FASTKD5: variants seen among roughly 807,000 people sequenced by gnomAD.
FASTKD5 encodes the protein non-canonical pre-mRNAs endonuclease FASTKD5, mitochondrial.
Under a neutral mutation model 44.0 loss-of-function variants are expected in FASTKD5, and 30 were observed. The observed-to-expected ratio is 0.68, with a 90% CI of 0.51 to 0.93. The LOEUF is 0.93. Among genes scored for constraint, FASTKD5 ranks in the 40% least tolerant of loss-of-function variants. The pLI, the probability that FASTKD5 is intolerant of heterozygous loss-of-function variation, is 0.00. For synonymous variants in FASTKD5, 335 were observed against 342.2 expected (o/e 0.98, Z 0.23); for missense variants, 868 against 908.2 (o/e 0.96, Z 0.57).
chr20:3,150,077 A>G (rs1241726521), intron 1 of FASTKD5, among the ~76,000 whole-genome samples: 1 of 152,038 alleles, frequency 6.6e-6, no homozygotes, highest in African/African-American at 2.4e-5. Context: ...CTGTTCTTAT[A>G]GCGCAAAACT....
rs188234463 is a variant in FASTKD5 at position 3,153,485 on chromosome 20, C to G, written c.-190-4225G>C. On this transcript the variant is annotated intron_variant, in intron 1 of 1. Transcript: ENST00000380266. ...GAGACCACAAGATTAAGAAACCTGC[C>G]AAAAGTTACACAGCCAAGGGATTGA... 2.6e-5 allele frequency among the ~76,000 whole-genome samples: 4 copies of G among 152,304 alleles called. No homozygotes were observed. The East Asian group carries it at 7.7e-4, about 29-fold the overall frequency.
intron 1 of FASTKD5, among the ~76,000 whole-genome samples, chr20:3,153,691 T>C (rs564753420): frequency 6.6e-6 from 1 of 152,342 alleles, no homozygotes; most frequent in East Asian, 1.9e-4. Context: ...CTAGGTAAGC[T>C]TGAAAGTCCC....
intron 1 of FASTKD5, among the ~76,000 whole-genome samples, chr20:3,153,443 A>G (rs1053668095): frequency 1.3e-5 from 2 of 152,226 alleles, no homozygotes; most frequent in Admixed American, 6.5e-5. Context: ...TATAATCCCC[A>G]TATTACTGAT....
rs1600413632 is a variant in FASTKD5 at position 3,149,143 on chromosome 20, T to C, written c.-73A>G. 3 of 1,503,134 alleles carry C rather than the reference T, an allele frequency of 2.0e-6. No individual in the cohort carries two copies. The highest frequency in any genetic ancestry group is 4.5e-5 in the East Asian group (2 of 44,072). 93.1% of individuals were successfully genotyped at this position (1,503,134 alleles called of 1,614,324 possible). ...AGATTTGACCAGGCAATTTCTTGTT[T>C]ATATGGTGCTTGATTAGAGCTGGAC... On this transcript the variant is annotated 5_prime_UTR_variant, in exon 2 of 2. It adds an upstream start codon to the 5' untranslated region. Transcript: ENST00000380266. The surrounding 1 kb of genome is among the most constrained non-coding windows in gnomAD (Gnocchi z 4.1).
chr20:3,154,783 A>G (rs1162117161), intron 1 of FASTKD5, among the ~76,000 whole-genome samples: 2 of 152,196 alleles, frequency 1.3e-5, no homozygotes, highest in African/African-American at 4.8e-5. Context: ...TCTTGATATT[A>G]GCCTAACCAA....
chr20:3,148,417 G>C lies in FASTKD5; in HGVS notation c.654C>G (p.Ile218Met), dbSNP rs2148620586. 1 of 1,614,108 alleles carries C rather than the reference G, an allele frequency of 6.2e-7. No homozygotes were observed. The highest frequency in any genetic ancestry group is 2.2e-5 in the East Asian group (1 of 44,892). ...NVLKAFVILG[I>M]PHSHSMLDVY... The stretch of plus-strand genomic sequence containing the variant: ...CATCTAGCATTGAATGGGAGTGAGG[G>C]ATTCCTAAAATGACAAAAGCTTTCA... The change falls in exon 2 of 2, where the codon ATC becomes ATG. Residue 218 changes from isoleucine (I) to methionine (M), a missense_variant. Ile to Met is a conservative substitution (Grantham distance 10). Transcript: ENST00000380266.
In FASTKD5 at chr20:3,147,248, G is replaced by A. The variant is rs746438196; in HGVS notation, c.1823C>T (p.Thr608Met). 1.1e-5 allele frequency: 18 copies of A among 1,614,208 alleles called. No individual in the cohort carries two copies. The highest frequency in any genetic ancestry group is 3.3e-5 in the South Asian group (3 of 91,086). ...LKPLPFNREA[T>M]PAENVAKLRL... ...TAATTTGGCTACATTTTCAGCCGGC[G>A]TGGCTTCTCTATTAAATGGTAATGG... is the stretch of plus-strand genomic sequence containing the variant. Residue 608 changes from threonine (T) to methionine (M), a missense_variant, in exon 2 of 2, where the codon ACG becomes ATG. Coordinates refer to ENST00000380266, the MANE Select transcript of FASTKD5 (RefSeq NM_021826.5).
chr20:3,152,397 G>A (rs2066639008), intron 1 of FASTKD5, among the ~76,000 whole-genome samples: 1 of 152,040 alleles, frequency 6.6e-6, no homozygotes, highest in South Asian at 2.1e-4. Context: ...AGCTACTCGG[G>A]AGGCTGAGGC....
At chr20:3,159,296 G>C (rs1397844993) in intron 1 of FASTKD5, among the ~76,000 whole-genome samples, 1 of 152,184 alleles carries the variant, frequency 6.6e-6, no homozygotes, top group African/African-American at 2.4e-5. Flanking sequence ...GTAGGGCCTT[G>C]CTACTCAGTG....
intron 1 of FASTKD5, among the ~76,000 whole-genome samples, chr20:3,154,451 G>C (rs2066664296): frequency 6.6e-6 from 1 of 152,238 alleles, no homozygotes; most frequent in African/African-American, 2.4e-5. Flanking sequence ...GGAGGCCAAA[G>C]TGAGAAGATC....
In FASTKD5 at chr20:3,146,732, G is replaced by A. The variant is rs749139656; in HGVS notation, c.*44C>T. On this transcript the variant is annotated 3_prime_UTR_variant, in exon 2 of 2. Transcript: ENST00000380266. The stretch of plus-strand genomic sequence containing the variant: ...TAATCATTTTGCAACACCTGGTACA[G>A]TATACACCTATAGCTTTGCCATAGA... 24 of 1,583,676 alleles carry A rather than the reference G, an allele frequency of 1.5e-5. No individual in the cohort carries two copies. The highest frequency in any genetic ancestry group is 6.9e-6 in the Non-Finnish European group (8 of 1,165,528).
intron 1 of FASTKD5, among the ~76,000 whole-genome samples, chr20:3,158,125 GT>G (rs941465393): frequency 6.6e-6 from 1 of 151,528 alleles, no homozygotes; most frequent in Non-Finnish European, 1.5e-5. Context: ...TTTTTTGTGT[GT>G]TTTTTTTGTT....
At chr20:3,150,845 A>G (rs1301153808) in intron 1 of FASTKD5, 3 of 152,144 alleles carry the variant, frequency 2.0e-5, no homozygotes, top group Non-Finnish European at 4.4e-5. Context: ...TCTCACATTA[A>G]ATTTTTATAC....
rs1207646422 is a variant in FASTKD5, at chr20:3,148,574, T to C, written c.497A>G (p.Tyr166Cys). The change falls in exon 2 of 2, where the codon TAT becomes TGT. Residue 166 changes from tyrosine to cysteine, a missense_variant. By Grantham distance (194) the Tyr-to-Cys change is radical (BLOSUM62 -2). Coordinates refer to ENST00000380266, the MANE Select transcript of FASTKD5 (RefSeq NM_021826.5). ...AGGCAAAGAGCTCAGCTTACACAAA[T>C]AATCAACAATGACTTGAGCCTGGAG... is the stretch of plus-strand genomic sequence containing the variant. ...NNLQAQVIVD[Y>C]LCKLSSLPAE... The C allele has an allele frequency of 6.2e-7, 1 of 1,614,156 alleles. No homozygotes were observed. Among genetic ancestry groups the C allele is most frequent in the Non-Finnish European group, 8.5e-7 (1 of 1,180,046 alleles).
Position 3,148,770 on chromosome 20 carries a change from C to T in FASTKD5, c.301G>A (p.Val101Ile), listed in dbSNP as rs141315308. 3.8e-4 allele frequency: 616 copies of T among 1,614,132 alleles called. No homozygotes were observed. Among genetic ancestry groups the T allele is most frequent in the Non-Finnish European group, 4.9e-4 (582 of 1,180,056 alleles). ...LQLGSPRATG[V>I]DEEDVEVFDS... ...AACACTTCTACGTCCTCTTCATCAA[C>T]TCCTGTGGCCCTGGGTGAGCCCAGC... The change falls in exon 2 of 2, where the codon GTT becomes ATT. Residue 101 changes from valine to isoleucine, a missense_variant. Coordinates refer to ENST00000380266, the MANE Select transcript of FASTKD5 (RefSeq NM_021826.5).
chr20:3,157,931 TGTTGTTCAGTCTGGAGGGCA>T lies in FASTKD5; in HGVS notation c.-191+1815_-191+1834del, dbSNP rs564991895. Among the ~76,000 whole-genome samples, 583 of 152,180 alleles carry T rather than the reference TGTTGTTCAGTCTGGAGGGCA, an allele frequency of 3.8e-3. 4 individuals carry two copies. The highest frequency in any genetic ancestry group is 0.024 in the Middle Eastern group (7 of 294). On this transcript the variant is annotated intron_variant, in intron 1 of 1. Coordinates refer to ENST00000380266, the MANE Select transcript of FASTKD5 (RefSeq NM_021826.5). ...TTTTTTTTCAGACAGGGTCTCGCTCTGTTGTTCAGTCTGGAGGGCAGTGGTGCAATCTCCGCTCACTGCAT... is the reference window on the plus strand; with the variant it reads ...TTTTTTTTCAGACAGGGTCTCGCTCTGTGGTGCAATCTCCGCTCACTGCAT...
Position 3,146,885 on chromosome 20 carries a change from C to T in FASTKD5, c.2186G>A (p.Gly729Asp). Reference protein sequence around the residue: ...NMKRRQLARLGYRVVELSYWE... With the variant: ...NMKRRQLARLDYRVVELSYWE... ...GTAGGATAACTCTACCACACGGTAG[C>T]CAAGCCGAGCCAGCTGCCGCCTCTT... Residue 729 changes from glycine (G) to aspartate (D), a missense_variant, in exon 2 of 2, where the codon GGC becomes GAC. By Grantham distance (94) the Gly-to-Asp change is moderately conservative. Coordinates refer to ENST00000380266, the MANE Select transcript of FASTKD5 (RefSeq NM_021826.5). The T allele has an allele frequency of 6.2e-7, 1 of 1,614,178 alleles. No individual in the cohort carries two copies. The highest frequency in any genetic ancestry group is 8.5e-7 in the Non-Finnish European group (1 of 1,180,030).
Position 3,149,846 on chromosome 20 carries a change from C to T in FASTKD5, c.-190-586G>A, listed in dbSNP as rs1323526709. Among the ~76,000 whole-genome samples the T allele has an allele frequency of 2.0e-5, 3 of 151,884 alleles. No homozygotes were observed. Among genetic ancestry groups the T allele is most frequent in the African/African-American group, 7.3e-5 (3 of 41,308 alleles). ...CAGCCTGGCCAACAAGGCGAAATCCCGTCTCTATTAAAAATACAAAAAATT... is the reference window on the plus strand; with the variant it reads ...CAGCCTGGCCAACAAGGCGAAATCCTGTCTCTATTAAAAATACAAAAAATT... On this transcript the variant is annotated intron_variant, in intron 1 of 1. Coordinates refer to ENST00000380266, the MANE Select transcript of FASTKD5 (RefSeq NM_021826.5). This position sits in a 1 kb window ranked among gnomAD's most constrained non-coding sequence, Gnocchi z 4.1.
Position 3,146,973 on chromosome 20 carries a change from G to T in FASTKD5, c.2098C>A (p.Gln700Lys). The change falls in exon 2 of 2, where the codon CAG becomes AAG. Residue 700 changes from glutamine (Q) to lysine (K), a missense_variant. Physicochemically the swap from Gln to Lys is moderately conservative, Grantham distance 53. Coordinates refer to ENST00000380266, the MANE Select transcript of FASTKD5 (RefSeq NM_021826.5). ...CAATACTGGTTCCTGTTTGTGAACT[G>T]AACAGCCAGCTTCATTCTTGGGGTC... ...MQTPRMKLAV[Q>K]FTNRNQYCYG... The T allele has an allele frequency of 1.9e-6, 3 of 1,614,198 alleles. No individual in the cohort carries two copies. Among genetic ancestry groups the T allele is most frequent in the Non-Finnish European group, 2.5e-6 (3 of 1,180,042 alleles).
Sources: allele counts gnomAD v4.1 joint callset (sites outside exome capture counted in the v4.1 genomes callset), GRCh38; gene constraint gnomAD v4.1.1; non-coding constraint Gnocchi (gnomAD v3.1); transcripts MANE v1.5; gene names NCBI Gene and HGNC (gene_info 2026-07-23, HGNC 2026-07-21).